The following PICALM variants were observed in gnomAD, a reference collection of about 807,000 sequenced individuals.
PICALM encodes the protein phosphatidylinositol-binding clathrin assembly protein.
A neutral mutation model predicts 80.5 loss-of-function variants in PICALM; 40 were observed. The ratio of observed to expected loss-of-function variants is 0.50; its 90% CI spans 0.39 to 0.65. The LOEUF is 0.65. Ranked by LOEUF, PICALM falls within the 30% of genes least tolerant of loss-of-function variation. The pLI, the probability that PICALM is intolerant of heterozygous loss-of-function variation, is 0.00. For synonymous variants in PICALM, 288 were observed against 260.3 expected (o/e 1.11, Z -1.02); for missense variants, 676 against 778.9 (o/e 0.87, Z 1.57).
chr11:85,968,595 A>AT (rs1025279613), intron 19 of PICALM, among the ~76,000 whole-genome samples: 4 of 152,242 alleles, frequency 2.6e-5, no homozygotes, highest in Admixed American at 6.5e-5. Context: ...GCTTAATAAC[A>AT]TAATAGCTGT....
At chr11:85,978,434 G>C in intron 17 of PICALM, 1 of 162,440 alleles carries the variant, frequency 6.2e-6, no homozygotes, top group Non-Finnish European at 1.3e-5. Context: ...CAGAAAAAAA[G>C]CAAGCACTAA....
intron 1 of PICALM, among the ~76,000 whole-genome samples, chr11:86,033,216 C>G (rs1050093933): frequency 1.3e-5 from 2 of 152,168 alleles, no homozygotes; most frequent in African/African-American, 4.8e-5. Flanking sequence ...AACGACAGTA[C>G]TTTATACACA....
chr11:86,008,521 G>A (rs1049751035), intron 7 of PICALM, among the ~76,000 whole-genome samples: 7 of 152,012 alleles, frequency 4.6e-5, no homozygotes, highest in Admixed American at 2.0e-4. Context: ...TCAGCAGGCT[G>A]AAGCAGGAGA....
chr11:86,017,656 T>C (rs1399247801), intron 4 of PICALM, among the ~76,000 whole-genome samples: 1 of 152,222 alleles, frequency 6.6e-6, no homozygotes, highest in Non-Finnish European at 1.5e-5. Flanking sequence ...CACAGCATAC[T>C]AGTATGGTAG....
chr11:86,023,578 C>T (rs2095601745), intron 3 of PICALM: 20 of 984,794 alleles, frequency 2.0e-5, no homozygotes, highest in Non-Finnish European at 2.4e-5. Context: ...CACCTTACCA[C>T]TAGAATTGCT....
intron 14 of PICALM, among the ~76,000 whole-genome samples, chr11:85,983,236 G>C (rs2094494225): frequency 6.6e-6 from 1 of 152,108 alleles, no homozygotes; most frequent in South Asian, 2.1e-4. Context: ...CCGATGGTAA[G>C]AACAGAATTA....
chr11:85,972,334 A>C, intron 19 of PICALM, among the ~76,000 whole-genome samples: 1 of 152,174 alleles, frequency 6.6e-6, no homozygotes. Context: ...ATTGGCCAGT[A>C]AGGGCTCAGT....
chr11:86,003,584 A>G, intron 8 of PICALM, 133 bp from the exon 9 acceptor site: 1 of 436,270 alleles, frequency 2.3e-6, no homozygotes, highest in Non-Finnish European at 4.0e-6. Flanking sequence ...GTGGAGTTTT[A>G]GCTACTTAAT....
intron 1 of PICALM, among the ~76,000 whole-genome samples, chr11:86,067,957 T>A (rs1359069884): frequency 6.6e-6 from 1 of 152,238 alleles, no homozygotes; most frequent in Non-Finnish European, 1.5e-5. Context: ...TGAATCCTTT[T>A]ACTTTCACTC....
chr11:86,054,536 C>T (rs1043178314), intron 1 of PICALM, among the ~76,000 whole-genome samples: 5 of 152,138 alleles, frequency 3.3e-5, no homozygotes, highest in Admixed American at 6.6e-5. Flanking sequence ...CACCATAAAG[C>T]GCTTTTTTGC....
chr11:86,026,184 T>C lies in PICALM; in HGVS notation c.349+108A>G, dbSNP rs950659892. ...TTCTTTCCTACAACCTTCACTAAAA[T>C]ATAAGGTTTAAAGTAGCACATGTTC... On this transcript the variant is annotated intron_variant, in intron 3 of 19. Transcript: ENST00000393346. The C allele has an allele frequency of 3.7e-5, 24 of 641,276 alleles. No individual in the cohort carries two copies. In the South Asian group the frequency reaches 3.8e-4, roughly 10 times the overall value. 39.7% of individuals were successfully genotyped at this position (641,276 alleles called of 1,614,324 possible). A position where few individuals can be genotyped will look rare whatever the true frequency, so the allele number is the denominator to read the frequency against.
At chr11:86,039,838 C>T (rs1193449707) in intron 1 of PICALM, among the ~76,000 whole-genome samples, 5 of 151,650 alleles carry the variant, frequency 3.3e-5, no homozygotes, top group African/African-American at 4.8e-5. Context: ...CCCATCTCTA[C>T]TAAAAATACA....
intron 19 of PICALM, among the ~76,000 whole-genome samples, chr11:85,971,275 A>G (rs1338378588): frequency 6.6e-6 from 1 of 152,188 alleles, no homozygotes; most frequent in Non-Finnish European, 1.5e-5. Flanking sequence ...CTAGAAACTT[A>G]TTACCCTAAT....
At chr11:86,036,806 A>T (rs188155093) in intron 1 of PICALM, among the ~76,000 whole-genome samples, 2 of 152,222 alleles carry the variant, frequency 1.3e-5, no homozygotes, top group East Asian at 3.9e-4. Flanking sequence ...CATTTTTTAA[A>T]ACTGTATGTG....
In PICALM at chr11:85,982,423, C is replaced by CTTTTT. The variant is rs59672357; in HGVS notation, c.1517-425_1517-421dup. The stretch of plus-strand genomic sequence containing the variant: ...ACGTTAAGAAATAAGATTTTATAGA[C>CTTTTT]TTTTTTTTTTTTTTTGAGACGGAGT... On this transcript the variant is annotated intron_variant, in intron 14 of 19. Transcript: ENST00000393346. 2.0e-3 allele frequency among the ~76,000 whole-genome samples: 138 copies of CTTTTT among 70,170 alleles called. 13 individuals are homozygous for CTTTTT. Among genetic ancestry groups the CTTTTT allele is most frequent in the South Asian group, 3.5e-3 (7 of 2,010 alleles). 46.0% of individuals were successfully genotyped at this position (70,170 alleles called of 152,430 possible).
chr11:85,985,397 T>C (rs2094546812), intron 13 of PICALM, among the ~76,000 whole-genome samples: 1 of 152,178 alleles, frequency 6.6e-6, no homozygotes, highest in Non-Finnish European at 1.5e-5. Context: ...ACACATCCTA[T>C]AATGACTATT....
At chr11:85,995,589 C>T (rs1233916235) in intron 12 of PICALM, among the ~76,000 whole-genome samples, 6 of 152,054 alleles carry the variant, frequency 3.9e-5, no homozygotes. Context: ...ATTTGGCCTT[C>T]TATAAAATTT....
rs757196515 is a variant in PICALM, at chr11:86,000,602, G to T, written c.1154+41C>A. 3 of 1,550,660 alleles carry T rather than the reference G, an allele frequency of 1.9e-6. No individual in the cohort carries two copies. The South Asian group carries it at 3.5e-5, about 18-fold the overall frequency. On this transcript the variant is annotated intron_variant, in intron 11 of 19. Transcript: ENST00000393346. ...TGCAAAATTTCTATTAGAAGTCTTT[G>T]AACCTACATATTCAAAGGTAACCTT...
intron 19 of PICALM, among the ~76,000 whole-genome samples, chr11:85,959,656 A>AAAC (rs1402591265): frequency 6.7e-6 from 1 of 149,790 alleles, no homozygotes; most frequent in Non-Finnish European, 1.5e-5. Context: ...AAAAAAAAAA[A>AAAC]GCTCATTGGA....
Sources: gnomAD v4.1 joint callset for allele counts (sites outside exome capture counted in the v4.1 genomes callset) on GRCh38, gnomAD v4.1.1 for gene constraint, MANE v1.5 for transcripts, NCBI Gene and HGNC (gene_info 2026-07-23, HGNC 2026-07-21) for gene names.